Variants in SCRN1 observed in about 807,000 individuals in gnomAD.
The protein encoded by SCRN1 is secernin 1, also known as secernin-1.
In SCRN1, 19 loss-of-function variants were observed where a neutral mutation model predicts 43.3. The ratio of observed to expected loss-of-function variants is 0.44; its 90% CI spans 0.31 to 0.64. SCRN1 has a LOEUF of 0.64. Ranked by LOEUF, SCRN1 falls within the 30% of genes least tolerant of loss-of-function variation. The pLI is 0.09. For missense variants in SCRN1, 447 were observed against 524.1 expected, an observed-to-expected ratio of 0.85 and a Z score of 1.44; for synonymous variants, 183 against 188.9, an observed-to-expected ratio of 0.97 and a Z score of 0.26.
Position 29,947,264 on chromosome 7 carries a change from G to A in SCRN1, c.342-3085C>T, listed in dbSNP as rs1251728936. The A allele has an allele frequency of 1.9e-6, 3 of 1,550,646 alleles. No homozygotes were observed. In the African/African-American group the frequency reaches 4.1e-5, roughly 21 times the overall value. On this transcript the variant is annotated intron_variant, in intron 3 of 7. Transcript: ENST00000242059. ...GGAAAATCTTTCCCTGGGAGCCCAT[G>A]ACCTTCTCACAGGTATGTCAAGCTC...
chr7:29,956,100 A>T (rs1400142825), intron 2 of SCRN1, among the ~76,000 whole-genome samples: 1 of 152,210 alleles, frequency 6.6e-6, no homozygotes, highest in Admixed American at 6.5e-5. Context: ...AGCTAATTTG[A>T]GTCAAACTAT....
intron 3 of SCRN1, among the ~76,000 whole-genome samples, chr7:29,948,159 T>C (rs1787796643): frequency 6.6e-6 from 1 of 152,286 alleles, no homozygotes; most frequent in South Asian, 2.1e-4. Flanking sequence ...TCCTGCGTCA[T>C]TGACAGGTGA....
intron 3 of SCRN1, among the ~76,000 whole-genome samples, chr7:29,949,976 G>C (rs1315058889): frequency 6.6e-6 from 1 of 152,230 alleles, no homozygotes; most frequent in African/African-American, 2.4e-5. Context: ...AGGAGCCACT[G>C]TGAAGATGCC....
intron 7 of SCRN1, among the ~76,000 whole-genome samples, chr7:29,924,736 A>G (rs1286212513): frequency 1.3e-5 from 2 of 152,224 alleles, no homozygotes; most frequent in Non-Finnish European, 2.9e-5. Context: ...AAATGGATCA[A>G]TGAATAAACA....
At chr7:29,955,521 A>G (rs748796818) in intron 2 of SCRN1, among the ~76,000 whole-genome samples, 161 bp from the exon 3 acceptor site, 10 of 152,264 alleles carry the variant, frequency 6.6e-5, no homozygotes, top group Non-Finnish European at 1.5e-4. Context: ...ATGCAGCTCA[A>G]AAGTCTCCAT....
intron 2 of SCRN1, among the ~76,000 whole-genome samples, chr7:29,961,457 C>T (rs980809582): frequency 2.9e-5 from 4 of 138,744 alleles, no homozygotes; most frequent in Admixed American, 2.9e-4. Flanking sequence ...GAAAAGTCTC[C>T]CATGTCTACT....
chr7:29,980,858 C>T lies in SCRN1; in HGVS notation c.-2+8784G>A, dbSNP rs117860497. ...ATATGTATATACCTATATATGCGTG[C>T]ATATACATTTATGTAAATATAAGTA... On this transcript the variant is annotated intron_variant, in intron 1 of 7. Transcript: ENST00000242059. 2.3e-3 allele frequency among the ~76,000 whole-genome samples: 347 copies of T among 152,048 alleles called. 2 individuals carry two copies. The highest frequency in any genetic ancestry group is 8.2e-3 in the Admixed American group (126 of 15,290).
chr7:29,986,046 C>T (rs1000346586), intron 1 of SCRN1, among the ~76,000 whole-genome samples: 7 of 152,230 alleles, frequency 4.6e-5, no homozygotes. Context: ...ACCAGCCCGA[C>T]CAATATGGTG....
Position 29,965,254 on chromosome 7 carries a change from A to C in SCRN1, c.159+3655T>G, listed in dbSNP as rs1788450389. Among the ~76,000 whole-genome samples, 1 of 152,188 alleles carries C rather than the reference A, an allele frequency of 6.6e-6. No homozygotes were observed. Among genetic ancestry groups the C allele is most frequent in the South Asian group, 2.1e-4 (1 of 4,830 alleles). On this transcript the variant is annotated intron_variant, in intron 2 of 7. Coordinates refer to ENST00000242059, the MANE Select transcript of SCRN1 (RefSeq NM_014766.5). The surrounding 1 kb of genome is among the most constrained non-coding windows in gnomAD (Gnocchi z 4.2). ...GACTCTCATCCTGTAAACAAAACGA[A>C]ACACTTTTCAGCAAGGGAGTGGTAG...
rs761825544 is a variant in SCRN1, at chr7:29,936,704, T to C, written c.757A>G (p.Thr253Ala). ...EKQEESITVQ[T>A]MMNTLRDKAS... is the part of the protein sequence containing the mutation. ...TTGTCCCGTAAGGTGTTCATCATAG[T>C]CTGCACTGTGATGCTTTCTGCAAAA... Residue 253 changes from threonine (T) to alanine (A), a missense_variant, in exon 6 of 8, where the codon ACT becomes GCT. By Grantham distance (58) the Thr-to-Ala change is moderately conservative (BLOSUM62 0). Transcript: ENST00000242059. 3.9e-6 allele frequency: 6 copies of C among 1,554,138 alleles called. No individual in the cohort carries two copies. Among genetic ancestry groups the C allele is most frequent in the Non-Finnish European group, 3.5e-6 (4 of 1,138,310 alleles).
At chr7:29,962,678 A>T (rs1315801299) in intron 2 of SCRN1, among the ~76,000 whole-genome samples, 2 of 151,878 alleles carry the variant, frequency 1.3e-5, no homozygotes, top group African/African-American at 4.8e-5. Context: ...ACAGAGTGAG[A>T]CTGTCTCAAA....
At position 29,944,182 on chromosome 7, in the gene SCRN1, G is replaced by A; in HGVS notation, c.342-3C>T. On this transcript the variant is annotated splice_region_variant and splice_polypyrimidine_tract_variant and intron_variant, in intron 3 of 7. Transcript: ENST00000242059. ...TTTCCCCTCTTTCTAAACCAAGCCTGCAGGAAGGAAACCAGAACCATACTT... is the reference window on the plus strand; with the variant it reads ...TTTCCCCTCTTTCTAAACCAAGCCTACAGGAAGGAAACCAGAACCATACTT... 1 of 1,613,892 alleles carries A rather than the reference G, an allele frequency of 6.2e-7. No homozygotes were observed. Among genetic ancestry groups the A allele is most frequent in the East Asian group, 2.2e-5 (1 of 44,882 alleles).
Position 29,923,831 on chromosome 7 carries a change from C to A in SCRN1, c.*126G>T. 1 of 1,023,692 alleles carries A rather than the reference C, an allele frequency of 9.8e-7. No homozygotes were observed. Among genetic ancestry groups the A allele is most frequent in the African/African-American group, 1.6e-5 (1 of 62,300 alleles). The allele number at this position is 1,023,692 out of a possible 1,614,324, so 63.4% of individuals were successfully genotyped here. A position where few individuals can be genotyped will look rare whatever the true frequency, so the allele number is the denominator to read the frequency against. On this transcript the variant is annotated 3_prime_UTR_variant, in exon 8 of 8. Transcript: ENST00000242059. The stretch of plus-strand genomic sequence containing the variant: ...GTGGAACACAAGGTAACAGTTTGAT[C>A]TGGCTTCAGAAAAGGAGGCCACATA...
Position 29,933,080 on chromosome 7 carries a change from A to G in SCRN1, c.905+3476T>C, listed in dbSNP as rs187999138. 3.5e-4 allele frequency among the ~76,000 whole-genome samples: 53 copies of G among 151,978 alleles called. No homozygotes were observed. The East Asian group carries it at 5.5e-3, about 16-fold the overall frequency. ...TTTTTAGTAGAGACAGGGTTTCGCC[A>G]TGTTGGCCAGGCTGGTCTGGAACTC... On this transcript the variant is annotated intron_variant, in intron 6 of 7. Transcript: ENST00000242059.
intron 2 of SCRN1, among the ~76,000 whole-genome samples, chr7:29,958,551 AG>A (rs1013166015): frequency 1.3e-5 from 2 of 152,252 alleles, no homozygotes; most frequent in Non-Finnish European, 2.9e-5. Flanking sequence ...ATCTTCTTTC[AG>A]TGTGGCAAAA....
intron 1 of SCRN1, chr7:29,989,336 C>A (rs934956166): frequency 8.3e-5 from 13 of 156,092 alleles, no homozygotes; most frequent in Non-Finnish European, 1.7e-4. Context: ...GAAAAGGAAA[C>A]CCAGGAAGAG....
At chr7:29,970,939 C>T (rs894877624) in intron 1 of SCRN1, among the ~76,000 whole-genome samples, 1 of 152,144 alleles carries the variant, frequency 6.6e-6, no homozygotes, top group African/African-American at 2.4e-5. Context: ...TATTTCTTTA[C>T]CTGTTTCAAA....
chr7:29,935,747 A>G (rs1787303694), intron 6 of SCRN1, among the ~76,000 whole-genome samples: 1 of 152,210 alleles, frequency 6.6e-6, no homozygotes, highest in Non-Finnish European at 1.5e-5. Context: ...GTTCCTGGGG[A>G]GAGGGGCTGC....
In SCRN1 at chr7:29,989,732, T is replaced by C. The variant is rs546836072; in HGVS notation, c.-92A>G. 2 of 986,068 alleles carry C rather than the reference T, an allele frequency of 2.0e-6. No homozygotes were observed. Among genetic ancestry groups the C allele is most frequent in the African/African-American group, 1.7e-5 (1 of 57,340 alleles). 61.1% of individuals were successfully genotyped at this position (986,068 alleles called of 1,614,324 possible). ...GCGGGTGCTGCCGGGTCCGGATTAC[T>C]GCGGCGACCTCGGGGGCTGCAGCTG... On this transcript the variant is annotated 5_prime_UTR_variant, in exon 1 of 8. Transcript: ENST00000242059.
Sources: gnomAD v4.1 joint callset for allele counts (sites outside exome capture counted in the v4.1 genomes callset) on GRCh38, gnomAD v4.1.1 for gene constraint, Gnocchi (gnomAD v3.1) non-coding constraint, MANE v1.5 for transcripts, NCBI Gene and HGNC (gene_info 2026-07-23, HGNC 2026-07-21) for gene names.